The following SEZ6 variants were observed in gnomAD, a reference collection of about 807,000 sequenced individuals.
SEZ6 encodes seizure related 6 homolog, also known as seizure protein 6 homolog.
Under a neutral mutation model 101.0 loss-of-function variants are expected in SEZ6, and 53 were observed. That is an observed-to-expected ratio of 0.52 (90% CI 0.42 to 0.66). SEZ6 has a LOEUF of 0.66. SEZ6 is among the 30% of genes least tolerant of loss of function. The pLI is 0.00. For synonymous variants in SEZ6, 488 were observed against 512.2 expected, an observed-to-expected ratio of 0.95 and a Z score of 0.64; for missense variants, 1,102 against 1,289.4, an observed-to-expected ratio of 0.85 and a Z score of 2.23.
At chr17:28,973,225 T>G (rs1039428685) in intron 3 of SEZ6, among the ~76,000 whole-genome samples, 9 of 152,192 alleles carry the variant, frequency 5.9e-5, no homozygotes, top group Non-Finnish European at 7.3e-5. Context: ...AAAGGTCACA[T>G]AGGGGTTAAG....
intron 1 of SEZ6, among the ~76,000 whole-genome samples, chr17:29,003,763 G>A (rs1239085546): frequency 1.3e-5 from 2 of 152,168 alleles, no homozygotes; most frequent in Non-Finnish European, 2.9e-5. Flanking sequence ...TTGGCACTTC[G>A]GGGCTGCCTC....
At chr17:28,977,586 C>A (rs1836883025) in intron 3 of SEZ6, among the ~76,000 whole-genome samples, 2 of 152,232 alleles carry the variant, frequency 1.3e-5, no homozygotes, top group Non-Finnish European at 2.9e-5. Context: ...GGTGGGCATC[C>A]AGCATGGGGC....
At position 28,959,075 on chromosome 17, in the gene SEZ6, G is replaced by A. The variant is rs762414699; in HGVS notation, c.2057C>T (p.Pro686Leu). The A allele has an allele frequency of 3.7e-6, 6 of 1,614,016 alleles. 1 individual carries two copies. The South Asian group carries it at 6.6e-5, about 18-fold the overall frequency. ...ADVTIQFQSDPGTSVLGYQQG... is the reference protein window; with the variant it reads ...ADVTIQFQSDLGTSVLGYQQG... ...CTGGTAGCCCAGCACTGAGGTCCCG[G>A]GGTCCGACTGGAACTGAATGGTGAC... Residue 686 changes from proline (P) to leucine (L), a missense_variant, in exon 10 of 17, where the codon CCC becomes CTC. Coordinates refer to ENST00000317338, the MANE Select transcript of SEZ6 (RefSeq NM_178860.5). The surrounding 1 kb of genome is among the most constrained non-coding windows in gnomAD (Gnocchi z 4.4).
chr17:28,990,696 C>T (rs2041444400), intron 1 of SEZ6, among the ~76,000 whole-genome samples: 2 of 151,944 alleles, frequency 1.3e-5, no homozygotes, highest in South Asian at 2.1e-4. Context: ...GATTTCATCC[C>T]CAACCAATCA....
In SEZ6 at chr17:28,955,272, G is replaced by C. The variant is rs1224775218; in HGVS notation, c.*690C>G. On this transcript the variant is annotated 3_prime_UTR_variant, in exon 17 of 17. Transcript: ENST00000317338. ...AGTCTCCCTTTCCTCAGGGTATAGG[G>C]TGGTCAGTGGAAAATGGCGTGTCCT... is the stretch of plus-strand genomic sequence containing the variant. 1 of 216,826 alleles carries C rather than the reference G, an allele frequency of 4.6e-6. No individual in the cohort carries two copies. The highest frequency in any genetic ancestry group is 9.4e-6 in the Non-Finnish European group (1 of 105,892). 13.4% of individuals were successfully genotyped at this position (216,826 alleles called of 1,614,324 possible).
At chr17:28,960,713 C>T (rs1352479626) in intron 6 of SEZ6, 42 bp from the exon 7 acceptor site, 1 of 1,612,142 alleles carries the variant, frequency 6.2e-7, no homozygotes, top group Non-Finnish European at 8.5e-7. Flanking sequence ...GGTGGCTGAC[C>T]CAGATGGGGT....
At position 28,998,161 on chromosome 17, in the gene SEZ6, G is replaced by A. The variant is rs959173986; in HGVS notation, c.55+7654C>T. Among the ~76,000 whole-genome samples, 4 of 152,082 alleles carry A rather than the reference G, an allele frequency of 2.6e-5. No individual in the cohort carries two copies. In the East Asian group the frequency reaches 7.7e-4, roughly 29 times the overall value. On this transcript the variant is annotated intron_variant, in intron 1 of 16. Coordinates refer to ENST00000317338, the MANE Select transcript of SEZ6 (RefSeq NM_178860.5). ...GGGATGGGGCTGGAAGTTGAGGGGAGAAGGGTCCGCTTTGGTGTCTTTAAC... is the reference window on the plus strand; with the variant it reads ...GGGATGGGGCTGGAAGTTGAGGGGAAAAGGGTCCGCTTTGGTGTCTTTAAC...
In SEZ6 at chr17:29,005,760, C is replaced by T. The variant is rs150464937; in HGVS notation, c.55+55G>A. 23,617 of 1,463,236 alleles carry T rather than the reference C, an allele frequency of 0.016. 216 individuals are homozygous for T. Among genetic ancestry groups the T allele is most frequent in the Non-Finnish European group, 0.019 (20,883 of 1,104,720 alleles). 90.6% of individuals were successfully genotyped at this position (1,463,236 alleles called of 1,614,324 possible). A position where few individuals can be genotyped will look rare whatever the true frequency, so the allele number is the denominator to read the frequency against. On this transcript the variant is annotated intron_variant, in intron 1 of 16. Coordinates refer to ENST00000317338, the MANE Select transcript of SEZ6 (RefSeq NM_178860.5). The surrounding 1 kb of genome is among the most constrained non-coding windows in gnomAD (Gnocchi z 4.8). ...GCTGGGCACCGGGTCTCCCTTCCCA[C>T]CCCTGGGGCCCCGCTCCCGCCCCCG...
chr17:29,004,027 A>G (rs2041651754), intron 1 of SEZ6, among the ~76,000 whole-genome samples: 1 of 152,138 alleles, frequency 6.6e-6, no homozygotes, highest in African/African-American at 2.4e-5. Context: ...GTCTCACTCT[A>G]GCCCTGCAGG....
chr17:28,956,182 C>G lies in SEZ6; in HGVS notation c.2929G>C (p.Asp977His). 1 of 1,593,274 alleles carries G rather than the reference C, an allele frequency of 6.3e-7. No individual in the cohort carries two copies. The highest frequency in any genetic ancestry group is 8.5e-7 in the Non-Finnish European group (1 of 1,176,096). Residue 977 changes from aspartate to histidine, a missense_variant, in exon 16 of 17, where the codon GAC (aspartate) becomes CAC (histidine). Asp to His is a moderately conservative substitution (Grantham distance 81). Transcript: ENST00000317338. ...ACTCCAGTCTCGTAAGTTGGATTGT[C>G]AAACGCTGACTCTATGGTAATGCGG... Reference protein sequence around the residue: ...YNRITIESAFDNPTYETGSLS... With the variant: ...YNRITIESAFHNPTYETGSLS...
intron 1 of SEZ6, among the ~76,000 whole-genome samples, chr17:28,995,811 T>C (rs2152692619): frequency 6.6e-6 from 1 of 152,206 alleles, no homozygotes; most frequent in Admixed American, 6.5e-5. Context: ...CAATGAGCTC[T>C]AATGGTGGCC....
intron 3 of SEZ6, 54 bp from the exon 4 acceptor site, chr17:28,970,006 C>A: frequency 1.4e-6 from 2 of 1,468,932 alleles, no homozygotes; most frequent in Non-Finnish European, 9.0e-7. Context: ...TTCCTGCTGC[C>A]TGGATCCTGC....
intron 1 of SEZ6, among the ~76,000 whole-genome samples, chr17:28,998,763 A>G (rs964561669): frequency 6.6e-6 from 1 of 152,116 alleles, no homozygotes; most frequent in Admixed American, 6.5e-5. Context: ...AAGGGCACCC[A>G]TCATGGATTG....
chr17:28,961,907 G>T lies in SEZ6; in HGVS notation c.1241-934C>A, dbSNP rs562015105. ...CAAGGCAGCAGAATATTGTAACCTA[G>T]TAAAGCTCCTGGGGGGCTGGGGCAA... On this transcript the variant is annotated intron_variant, in intron 5 of 16. Coordinates refer to ENST00000317338, the MANE Select transcript of SEZ6 (RefSeq NM_178860.5). Among the ~76,000 whole-genome samples the T allele has an allele frequency of 6.7e-4, 102 of 152,294 alleles. 1 individual carries two copies. The highest frequency in any genetic ancestry group is 2.3e-3 in the African/African-American group (96 of 41,554).
rs1234908149 is a variant in SEZ6 at position 28,957,981 on chromosome 17, T to G, written c.2268A>C (p.Leu756=). 1 of 1,613,930 alleles carries G rather than the reference T, an allele frequency of 6.2e-7. No individual in the cohort carries two copies. The highest frequency in any genetic ancestry group is 1.1e-5 in the South Asian group (1 of 91,078). Residue 756 remains leucine, a synonymous_variant, in exon 11 of 17, where the codon CTA becomes CTC. Coordinates refer to ENST00000317338, the MANE Select transcript of SEZ6 (RefSeq NM_178860.5). ...GSSVLMCQWD[L]TWSEDLPSCQ... Reference sequence around the variant, plus strand: ...ATGAGGGCAGGTCCTCACTCCAAGTTAGGTCCCACTGGCACATGAGGACAC... The same window carrying G: ...ATGAGGGCAGGTCCTCACTCCAAGTGAGGTCCCACTGGCACATGAGGACAC...
chr17:28,994,894 G>A (rs1365885425), intron 1 of SEZ6, among the ~76,000 whole-genome samples: 2 of 151,232 alleles, frequency 1.3e-5, no homozygotes, highest in African/African-American at 4.9e-5. Context: ...TTTTTTTTGA[G>A]ACAGAGTCTC....
intron 3 of SEZ6, among the ~76,000 whole-genome samples, chr17:28,979,230 C>A (rs529911264): frequency 6.6e-6 from 1 of 152,264 alleles, no homozygotes; most frequent in South Asian, 2.1e-4. Context: ...TTCCTATCAG[C>A]TGATCACCTC....
At chr17:29,004,376 C>A (rs2041656151) in intron 1 of SEZ6, among the ~76,000 whole-genome samples, 1 of 152,174 alleles carries the variant, frequency 6.6e-6, no homozygotes, top group African/African-American at 2.4e-5. Flanking sequence ...GGTCTTCATC[C>A]CTGGGGTGGG....
At chr17:29,004,365 C>T (rs1244828180) in intron 1 of SEZ6, among the ~76,000 whole-genome samples, 2 of 152,198 alleles carry the variant, frequency 1.3e-5, no homozygotes, top group African/African-American at 2.4e-5. Context: ...TTCTCCTTCC[C>T]GGTCTTCATC....
Sources: gnomAD v4.1 joint callset for allele counts (sites outside exome capture counted in the v4.1 genomes callset) on GRCh38, gnomAD v4.1.1 for gene constraint, Gnocchi (gnomAD v3.1) non-coding constraint, MANE v1.5 for transcripts, NCBI Gene and HGNC (gene_info 2026-07-23, HGNC 2026-07-21) for gene names.